The following CADM4 variants were observed in gnomAD, a reference collection of about 807,000 sequenced individuals.
CADM4 encodes cell adhesion molecule 4.
In CADM4, 13 loss-of-function variants were observed where a neutral mutation model predicts 43.9. The observed-to-expected ratio is 0.30, with a 90% CI of 0.19 to 0.47. CADM4 has a LOEUF of 0.47. CADM4 is among the 20% of genes least tolerant of loss of function. The pLI is 1.00. For missense variants in CADM4, 420 were observed against 527.0 expected (o/e 0.80, Z 1.99); for synonymous variants, 209 against 220.9 (o/e 0.95, Z 0.48).
rs1327263664 is a variant in CADM4 at position 43,625,889 on chromosome 19, G to A, written c.755+22C>T. The A allele has an allele frequency of 1.3e-6, 2 of 1,599,192 alleles. No homozygotes were observed. The highest frequency in any genetic ancestry group is 1.1e-5 in the South Asian group (1 of 90,792). ...TCCCCAGCTTTCTCCTCCTGAGGAC[G>A]CAGGAGGCCCCCAGAGCTCACCTGG... On this transcript the variant is annotated intron_variant, in intron 6 of 8. Coordinates refer to ENST00000222374, the MANE Select transcript of CADM4 (RefSeq NM_145296.2). This position sits in a 1 kb window ranked among gnomAD's most constrained non-coding sequence, Gnocchi z 4.5.
At chr19:43,639,345 G>A (rs760132045) in intron 1 of CADM4, among the ~76,000 whole-genome samples, 2 of 150,548 alleles carry the variant, frequency 1.3e-5, no homozygotes, top group Non-Finnish European at 3.0e-5. Flanking sequence ...CTGAGGGATA[G>A]AGGACAAGGG....
intron 1 of CADM4, among the ~76,000 whole-genome samples, chr19:43,639,516 G>C (rs925193516): frequency 6.0e-5 from 9 of 151,014 alleles, no homozygotes; most frequent in Admixed American, 4.6e-4. Flanking sequence ...CTGCGCGGGT[G>C]GGGGGGCTGC....
Position 43,623,217 on chromosome 19 carries a change from G to T in CADM4, c.*113C>A. 1 of 769,468 alleles carries T rather than the reference G, an allele frequency of 1.3e-6. No individual in the cohort carries two copies. Among genetic ancestry groups the T allele is most frequent in the Non-Finnish European group, 2.3e-6 (1 of 436,228 alleles). The allele number at this position is 769,468 out of a possible 1,614,324, so 47.7% of individuals were successfully genotyped here. Reference sequence around the variant, plus strand: ...CAAGCGTCTGAGGTGTTAGTGGTGGGGGGAGAAGCCCACCATCCCAGACTC... The same window carrying T: ...CAAGCGTCTGAGGTGTTAGTGGTGGTGGGAGAAGCCCACCATCCCAGACTC... On this transcript the variant is annotated 3_prime_UTR_variant, in exon 9 of 9. Transcript: ENST00000222374. The surrounding 1 kb of genome is among the most constrained non-coding windows in gnomAD (Gnocchi z 4.4).
At position 43,626,969 on chromosome 19, in the gene CADM4, C is replaced by T; in HGVS notation, c.365-51G>A. On this transcript the variant is annotated intron_variant, in intron 3 of 8. Coordinates refer to ENST00000222374, the MANE Select transcript of CADM4 (RefSeq NM_145296.2). The surrounding 1 kb of genome is among the most constrained non-coding windows in gnomAD (Gnocchi z 5.9). ...GGGTTAAAGAAGGCACGAACGTGGG[C>T]TCAAAGCGATCGAGCTGCCTGTTCC... is the stretch of plus-strand genomic sequence containing the variant. 1.3e-6 allele frequency: 2 copies of T among 1,521,600 alleles called. No individual in the cohort carries two copies. Among genetic ancestry groups the T allele is most frequent in the Non-Finnish European group, 1.8e-6 (2 of 1,132,872 alleles). 94.3% of individuals were successfully genotyped at this position (1,521,600 alleles called of 1,614,324 possible).
intron 1 of CADM4, among the ~76,000 whole-genome samples, chr19:43,634,382 C>T (rs1258854450): frequency 6.6e-6 from 1 of 152,160 alleles, no homozygotes; most frequent in South Asian, 2.1e-4. Context: ...TGAGGCTTAG[C>T]GGGTCCCAGG....
At chr19:43,633,441 T>C (rs1973656029) in intron 1 of CADM4, among the ~76,000 whole-genome samples, 1 of 152,186 alleles carries the variant, frequency 6.6e-6, no homozygotes, top group Admixed American at 6.5e-5. Context: ...AATTATCAGA[T>C]TAATTTGCTT....
chr19:43,633,734 G>T (rs1174609574), intron 1 of CADM4, among the ~76,000 whole-genome samples: 1 of 150,564 alleles, frequency 6.6e-6, no homozygotes, highest in Admixed American at 6.6e-5. Flanking sequence ...AGGCTAGAGT[G>T]CAGTGGTGCA....
intron 1 of CADM4, among the ~76,000 whole-genome samples, chr19:43,631,446 G>C (rs1276496071): frequency 6.6e-6 from 1 of 152,108 alleles, no homozygotes; most frequent in Non-Finnish European, 1.5e-5. Context: ...ATTATTTCTG[G>C]GGGATGGAGA....
chr19:43,625,094 G>C lies in CADM4; in HGVS notation c.912C>G (p.Tyr304Ter). 1 of 1,440,676 alleles carries C rather than the reference G, an allele frequency of 6.9e-7. No individual in the cohort carries two copies. Among genetic ancestry groups the C allele is most frequent in the Non-Finnish European group, 9.3e-7 (1 of 1,072,730 alleles). 89.2% of individuals were successfully genotyped at this position (1,440,676 alleles called of 1,614,324 possible). A position where few individuals can be genotyped will look rare whatever the true frequency, so the allele number is the denominator to read the frequency against. Residue 304 changes from tyrosine (Y) to a stop codon, truncating the protein, a stop_gained, in exon 7 of 9, where the codon TAC becomes TAG. Coordinates refer to ENST00000222374, the MANE Select transcript of CADM4 (RefSeq NM_145296.2). LOFTEE classifies it high-confidence loss of function. This position sits in a 1 kb window ranked among gnomAD's most constrained non-coding sequence, Gnocchi z 4.5. ...TGCTCTCACCGTAGACCACAAGTAC[G>C]TAGAGCGCCCTCGCATGGCCGTGCT... ...SNKHGHARAL[Y>*]VLVVYDPGAV... is the part of the protein sequence containing the mutation.
At chr19:43,641,851 T>C (rs1704408634), upstream of CADM4, among the ~76,000 whole-genome samples, 1 of 152,196 alleles carries the variant, frequency 6.6e-6, no homozygotes, top group Admixed American at 6.5e-5. Flanking sequence ...AAGGGGTAAC[T>C]AGTAGTTGCC....
upstream of CADM4, among the ~76,000 whole-genome samples, chr19:43,641,456 A>G (rs1973770510): frequency 1.3e-5 from 2 of 152,040 alleles, no homozygotes; most frequent in Admixed American, 6.5e-5. Flanking sequence ...CTCAGGGTCC[A>G]AGCTCCCATC....
rs769946070 is a variant in CADM4 at position 43,627,648 on chromosome 19, G to A, written c.207C>T (p.Thr69=). 1.2e-6 allele frequency: 2 copies of A among 1,613,364 alleles called. No homozygotes were observed. The highest frequency in any genetic ancestry group is 1.7e-6 in the Non-Finnish European group (2 of 1,179,476). Residue 69 remains threonine (T), a synonymous_variant, in exon 2 of 9, where the codon ACC becomes ACT. Coordinates refer to ENST00000222374, the MANE Select transcript of CADM4 (RefSeq NM_145296.2). This position sits in a 1 kb window ranked among gnomAD's most constrained non-coding sequence, Gnocchi z 4.0. The part of the protein sequence containing the change: ...PARQTLFFNG[T]RALKDERFQL... ...AGTCTGGTCCCCAGCACTCACCACGGGTGCCATTGAAGAAGAGGGTCTGCC... is the reference window on the plus strand; with the variant it reads ...AGTCTGGTCCCCAGCACTCACCACGAGTGCCATTGAAGAAGAGGGTCTGCC...
chr19:43,640,037 G>A (rs1436066531), upstream of CADM4, among the ~76,000 whole-genome samples: 2 of 151,244 alleles, frequency 1.3e-5, no homozygotes, highest in Non-Finnish European at 3.0e-5. Context: ...GCGGGAAGGG[G>A]TGCGCGGGAG....
chr19:43,628,284 A>AAT (rs1260590366), intron 1 of CADM4, among the ~76,000 whole-genome samples: 53 of 151,446 alleles, frequency 3.5e-4, no homozygotes, highest in African/African-American at 1.3e-3. Context: ...AAAAAAAAAA[A>AAT]ATTAGCTGGG....
rs779010353 is a variant in CADM4 at position 43,626,085 on chromosome 19, C to G, written c.664+39G>C. 1.9e-6 allele frequency: 3 copies of G among 1,611,660 alleles called. No homozygotes were observed. The highest frequency in any genetic ancestry group is 2.5e-6 in the Non-Finnish European group (3 of 1,178,702). On this transcript the variant is annotated intron_variant, in intron 5 of 8. Transcript: ENST00000222374. The surrounding 1 kb of genome is among the most constrained non-coding windows in gnomAD (Gnocchi z 5.9). ...GACCCTCGCGGGTGCGGGTGGCTGG[C>G]GTTGGGATCCCTTGGGTCCTGGCCC...
chr19:43,625,942 C>T lies in CADM4; in HGVS notation c.724G>A (p.Val242Met), dbSNP rs1973518022. ...QAVVREGDTLVLTCAVTGNPR... is the reference protein window; with the variant it reads ...QAVVREGDTLMLTCAVTGNPR... Reference sequence around the variant, plus strand: ...TTCCCCGTGACAGCACACGTCAACACCAGCGTGTCTCCCTCCCTCACCACA... The same window carrying T: ...TTCCCCGTGACAGCACACGTCAACATCAGCGTGTCTCCCTCCCTCACCACA... The change falls in exon 6 of 9, where the codon GTG becomes ATG. Residue 242 changes from valine to methionine, a missense_variant. Val to Met is a conservative substitution (Grantham distance 21). Transcript: ENST00000222374. The surrounding 1 kb of genome is among the most constrained non-coding windows in gnomAD (Gnocchi z 4.5). The T allele has an allele frequency of 1.2e-6, 2 of 1,614,194 alleles. No homozygotes were observed. The highest frequency in any genetic ancestry group is 8.5e-7 in the Non-Finnish European group (1 of 1,180,014).
intron 1 of CADM4, among the ~76,000 whole-genome samples, chr19:43,628,623 A>G (rs1973569843): frequency 6.6e-6 from 1 of 152,142 alleles, no homozygotes; most frequent in Non-Finnish European, 1.5e-5. Flanking sequence ...TCCCATTGAG[A>G]AGGCACTTTG....
At chr19:43,630,675 C>T (rs1186158964) in intron 1 of CADM4, among the ~76,000 whole-genome samples, 1 of 152,120 alleles carries the variant, frequency 6.6e-6, no homozygotes, top group Non-Finnish European at 1.5e-5. Context: ...CCAAAATCTT[C>T]GTCCAAATCT....
chr19:43,636,667 C>T (rs1250165349), intron 1 of CADM4, among the ~76,000 whole-genome samples: 3 of 151,792 alleles, frequency 2.0e-5, no homozygotes, highest in East Asian at 1.9e-4. Flanking sequence ...AGGCCAGGCT[C>T]GCACGACATT....
Sources: gnomAD v4.1 joint callset for allele counts (sites outside exome capture counted in the v4.1 genomes callset) on GRCh38, gnomAD v4.1.1 for gene constraint, Gnocchi (gnomAD v3.1) non-coding constraint, MANE v1.5 for transcripts, NCBI Gene and HGNC (gene_info 2026-07-23, HGNC 2026-07-21) for gene names.